Variants in ROBO2 observed in about 807,000 individuals in gnomAD.
ROBO2 encodes the protein roundabout guidance receptor 2, also known as roundabout homolog 2.
Under a neutral mutation model 160.8 loss-of-function variants are expected in ROBO2, and 53 were observed. The observed-to-expected ratio is 0.33, with a 90% CI of 0.26 to 0.41. ROBO2 has a LOEUF of 0.41. Among genes scored for constraint, ROBO2 ranks in the 10% least tolerant of loss-of-function variants. The pLI is 1.00. For synonymous variants in ROBO2, 664 were observed against 611.7 expected (o/e 1.09, Z -1.26); for missense variants, 1,577 against 1,722.4 (o/e 0.92, Z 1.49).
chr3:76,251,762 A>T (rs1706017782), intron 2 of ROBO2, among the ~76,000 whole-genome samples: 1 of 152,060 alleles, frequency 6.6e-6, no homozygotes, highest in Non-Finnish European at 1.5e-5. Context: ...CTAGGATAAA[A>T]TCCTCAGTGG....
intron 2 of ROBO2, among the ~76,000 whole-genome samples, chr3:76,211,846 A>G (rs1362092001): frequency 6.6e-6 from 1 of 152,026 alleles, no homozygotes; most frequent in African/African-American, 2.4e-5. Context: ...CCTAAAGTAT[A>G]TCAGAGTAGT....
At chr3:76,942,677 G>GTC (rs113921445) in intron 2 of ROBO2, among the ~76,000 whole-genome samples, 5,221 of 152,172 alleles carry the variant, frequency 0.034, 276 homozygotes, top group African/African-American at 0.12. Context: ...GAAAGTGCTG[G>GTC]TCTCAGGAAG....
chr3:77,143,789 T>A (rs2076913430), intron 2 of ROBO2, among the ~76,000 whole-genome samples: 2 of 152,144 alleles, frequency 1.3e-5, no homozygotes, highest in Admixed American at 1.3e-4. Flanking sequence ...TTCTCTGACA[T>A]CCATCATTTC....
chr3:77,113,829 T>C (rs909572875), intron 2 of ROBO2, among the ~76,000 whole-genome samples: 1 of 152,246 alleles, frequency 6.6e-6, no homozygotes, highest in African/African-American at 2.4e-5. Context: ...GAAATGAATA[T>C]AGGATTAAAT....
At chr3:77,421,162 T>C (rs775332169) in intron 2 of ROBO2, among the ~76,000 whole-genome samples, 1 of 152,160 alleles carries the variant, frequency 6.6e-6, no homozygotes, top group Non-Finnish European at 1.5e-5. Context: ...AGGTTTTTAA[T>C]CTGTAAAGTA....
chr3:76,024,464 T>C (rs2066670842), intron 2 of ROBO2, among the ~76,000 whole-genome samples: 10 of 151,642 alleles, frequency 6.6e-5, no homozygotes. Flanking sequence ...AGTTAGTTTC[T>C]GAATTTTTGG....
intron 2 of ROBO2, among the ~76,000 whole-genome samples, chr3:77,286,242 AC>A: frequency 6.6e-6 from 1 of 151,100 alleles, no homozygotes; most frequent in South Asian, 2.1e-4. Flanking sequence ...GCCTAGAAAC[AC>A]AAAATTATGG....
chr3:77,011,091 C>CTT (rs1226200183), intron 2 of ROBO2, among the ~76,000 whole-genome samples: 19 of 69,974 alleles, frequency 2.7e-4, no homozygotes, highest in South Asian at 2.2e-3. Context: ...CTTTCTTTTT[C>CTT]TTTCTATCTT....
At chr3:76,944,760 A>G (rs1203381325) in intron 2 of ROBO2, among the ~76,000 whole-genome samples, 1 of 152,224 alleles carries the variant, frequency 6.6e-6, no homozygotes, top group Non-Finnish European at 1.5e-5. Flanking sequence ...CTGAAATTAG[A>G]ATTATCAGAA....
At chr3:76,741,600 C>G (rs1240401047) in intron 2 of ROBO2, among the ~76,000 whole-genome samples, 1 of 151,980 alleles carries the variant, frequency 6.6e-6, no homozygotes, top group Non-Finnish European at 1.5e-5. Context: ...ATTTACATGA[C>G]TTACTTTGAG....
At chr3:77,160,116 G>GA (rs5850311) in intron 2 of ROBO2, among the ~76,000 whole-genome samples, 62,227 of 151,618 alleles carry the variant, frequency 0.41, 13,224 homozygotes, top group Middle Eastern at 0.53. Flanking sequence ...CACAAAACAT[G>GA]ATTATAGTTT....
chr3:76,038,355 A>C (rs1345761012), intron 2 of ROBO2, among the ~76,000 whole-genome samples: 2 of 151,962 alleles, frequency 1.3e-5, no homozygotes, highest in African/African-American at 4.9e-5. Flanking sequence ...CTTTAAAATT[A>C]AGTAGGAAAG....
chr3:77,362,220 A>G (rs2070124654), intron 2 of ROBO2, among the ~76,000 whole-genome samples: 1 of 152,138 alleles, frequency 6.6e-6, no homozygotes. Context: ...GTCTATTGCA[A>G]TAGACATAGG....
chr3:76,634,397 G>A (rs1032313835), intron 2 of ROBO2, among the ~76,000 whole-genome samples: 1 of 151,984 alleles, frequency 6.6e-6, no homozygotes. Context: ...GTGAAACCCC[G>A]TCTCTACTAA....
intron 2 of ROBO2, among the ~76,000 whole-genome samples, chr3:76,190,044 T>G (rs1701935817): frequency 6.6e-6 from 1 of 152,080 alleles, no homozygotes; most frequent in Non-Finnish European, 1.5e-5. Context: ...TTTTATTATC[T>G]GTTAAAAAAT....
chr3:76,229,310 T>C (rs1392929195), intron 2 of ROBO2, among the ~76,000 whole-genome samples: 1 of 152,134 alleles, frequency 6.6e-6, no homozygotes, highest in Non-Finnish European at 1.5e-5. Flanking sequence ...TTTCAATATC[T>C]TAGCAAATCT....
intron 2 of ROBO2, among the ~76,000 whole-genome samples, chr3:77,184,741 G>A (rs546656252): frequency 6.6e-6 from 1 of 152,120 alleles, no homozygotes; most frequent in South Asian, 2.1e-4. Flanking sequence ...TTAGCTTTAA[G>A]AAATTATAGG....
Position 76,206,494 on chromosome 3 carries a change from C to T in ROBO2, c.109+268892C>T, listed in dbSNP as rs185052496. Among the ~76,000 whole-genome samples, 6 of 151,892 alleles carry T rather than the reference C, an allele frequency of 4.0e-5. No homozygotes were observed. In the East Asian group the frequency reaches 9.7e-4, roughly 25 times the overall value. On this transcript the variant is annotated intron_variant, in intron 2 of 26. Transcript: ENST00000487694. The stretch of plus-strand genomic sequence containing the variant: ...CCCTTATCAAGTGCTCTGGGTCCAA[C>T]GTGCATATAGACACTCACATGTGTT...
chr3:76,688,783 C>A (rs918727532), intron 2 of ROBO2, among the ~76,000 whole-genome samples: 2 of 152,016 alleles, frequency 1.3e-5, no homozygotes, highest in Admixed American at 6.6e-5. Flanking sequence ...CAGCTTTATA[C>A]CCAATTTGTA....
Sources: allele counts gnomAD v4.1 joint callset (sites outside exome capture counted in the v4.1 genomes callset), GRCh38; gene constraint gnomAD v4.1.1; transcripts MANE v1.5; gene names NCBI Gene and HGNC (gene_info 2026-07-23, HGNC 2026-07-21).